The following ADAM10 variants were observed in gnomAD, a reference collection of about 807,000 sequenced individuals.
ADAM10 encodes ADAM metallopeptidase domain 10, also known as disintegrin and metalloproteinase domain-containing protein 10.
A neutral mutation model predicts 90.1 loss-of-function variants in ADAM10; 17 were observed. That is an observed-to-expected ratio of 0.19 (90% CI 0.13 to 0.28). ADAM10 has a LOEUF of 0.28. ADAM10 is among the 10% of genes least tolerant of loss of function. ADAM10 has a pLI of 1.00. For missense variants in ADAM10, 610 were observed against 914.3 expected (o/e 0.67, Z 4.29); for synonymous variants, 310 against 298.6 (o/e 1.04, Z -0.40).
At chr15:58,640,293 G>T (rs1896381680) in intron 8 of ADAM10, among the ~76,000 whole-genome samples, 1 of 152,034 alleles carries the variant, frequency 6.6e-6, no homozygotes. Context: ...ATAAAGGCTA[G>T]AAATAAAATA....
chr15:58,678,463 A>G (rs1267492682), intron 4 of ADAM10, among the ~76,000 whole-genome samples: 1 of 152,204 alleles, frequency 6.6e-6, no homozygotes, highest in African/African-American at 2.4e-5. Context: ...TGGGTATTCA[A>G]GAGCTATATA....
At chr15:58,735,495 A>G (rs886263458) in intron 1 of ADAM10, among the ~76,000 whole-genome samples, 2 of 152,186 alleles carry the variant, frequency 1.3e-5, no homozygotes, top group African/African-American at 4.8e-5. Flanking sequence ...CCCTGACAAA[A>G]TGACGCGGTA....
rs1293964141 is a variant in ADAM10 at position 58,590,914 on chromosome 15, T to G, written c.*6633A>C. The G allele has an allele frequency of 6.6e-6, 1 of 152,174 alleles. No individual in the cohort carries two copies. Among genetic ancestry groups the G allele is most frequent in the South Asian group, 2.1e-4 (1 of 4,834 alleles). The allele number at this position is 152,174 out of a possible 1,614,324, so 9.4% of individuals were successfully genotyped here. On this transcript the variant is annotated 3_prime_UTR_variant, in exon 16 of 16. Coordinates refer to ENST00000260408, the MANE Select transcript of ADAM10 (RefSeq NM_001110.4). ...TCAAATTATTCTCATTTTTTTACACTGAGAACAAACAACTACAGAATATCT... is the reference window on the plus strand; with the variant it reads ...TCAAATTATTCTCATTTTTTTACACGGAGAACAAACAACTACAGAATATCT...
chr15:58,640,906 T>C lies in ADAM10; in HGVS notation c.883A>G (p.Ile295Val), dbSNP rs1375000211. The C allele has an allele frequency of 1.2e-6, 2 of 1,613,986 alleles. No individual in the cohort carries two copies. Among genetic ancestry groups the C allele is most frequent in the Non-Finnish European group, 1.7e-6 (2 of 1,179,992 alleles). ...DPTNPFRFPNIGVEKFLELNS... is the reference protein window; with the variant it reads ...DPTNPFRFPNVGVEKFLELNS... ...AATTCCAGAAACTTCTCCACACCAA[T>C]ATTTGGGAAACGGAAAGGATTTGTA... Residue 295 changes from isoleucine to valine, a missense_variant, in exon 8 of 16, where the codon ATT (isoleucine) becomes GTT (valine). By Grantham distance (29) the Ile-to-Val change is conservative. Coordinates refer to ENST00000260408, the MANE Select transcript of ADAM10 (RefSeq NM_001110.4).
At chr15:58,644,367 T>A (rs1896495491) in intron 6 of ADAM10, among the ~76,000 whole-genome samples, 1 of 151,990 alleles carries the variant, frequency 6.6e-6, no homozygotes, top group African/African-American at 2.4e-5. Flanking sequence ...ACAACTGGGA[T>A]TACAGGCGCC....
chr15:58,621,515 T>C lies in ADAM10; in HGVS notation c.1467A>G (p.Gln489=), dbSNP rs752927104. 5 of 1,614,176 alleles carry C rather than the reference T, an allele frequency of 3.1e-6. No homozygotes were observed. The highest frequency in any genetic ancestry group is 3.3e-5 in the Admixed American group (2 of 60,028). The change falls in exon 11 of 16, where the codon CAA becomes CAG. Residue 489 remains glutamine, a synonymous_variant. Transcript: ENST00000260408. ...CKDECCFDAN[Q]PEGRKCKLKP... ...TCAGTTTGCATTTTCTTCCCTCTGG[T>C]TGATTTGCATCGAAGCAGCATTCAT...
intron 9 of ADAM10, among the ~76,000 whole-genome samples, chr15:58,629,974 A>AT (rs1451467163): frequency 6.6e-6 from 1 of 152,044 alleles, no homozygotes; most frequent in East Asian, 1.9e-4. Context: ...GGGTTTCGCC[A>AT]TGTTGCCCAG....
chr15:58,737,488 C>T (rs1899468562), intron 1 of ADAM10, among the ~76,000 whole-genome samples: 1 of 152,110 alleles, frequency 6.6e-6, no homozygotes, highest in African/African-American at 2.4e-5. Flanking sequence ...TCTGGCTTCC[C>T]TCAACTGATA....
Position 58,597,627 on chromosome 15 carries a change from T to G in ADAM10, c.2167A>C (p.Arg723=). 1 of 1,614,088 alleles carries G rather than the reference T, an allele frequency of 6.2e-7. No individual in the cohort carries two copies. Among genetic ancestry groups the G allele is most frequent in the Non-Finnish European group, 8.5e-7 (1 of 1,180,006 alleles). The change falls in exon 16 of 16, where the codon AGG becomes CGG. Residue 723 remains arginine (R), a synonymous_variant. Coordinates refer to ENST00000260408, the MANE Select transcript of ADAM10 (RefSeq NM_001110.4). ...TGCTGAATGGGCTGTGGAGGTCTCC[T>G]CCTCTTTAAAGTGCCTGTGAGCCAC... ...PKPLPGTLKR[R]RPPQPIQQPQ... is the part of the protein sequence containing the mutation.
At chr15:58,724,283 G>A (rs1195955510) in intron 1 of ADAM10, among the ~76,000 whole-genome samples, 1 of 152,082 alleles carries the variant, frequency 6.6e-6, no homozygotes, top group African/African-American at 2.4e-5. Flanking sequence ...AAATATTTAA[G>A]GGTAAAATGA....
chr15:58,740,092 C>A (rs1899556624), intron 1 of ADAM10, among the ~76,000 whole-genome samples: 1 of 152,098 alleles, frequency 6.6e-6, no homozygotes, highest in East Asian at 1.9e-4. Flanking sequence ...AGATCAGTAA[C>A]TTAACTATAA....
chr15:58,729,653 C>T (rs1899159016), intron 1 of ADAM10, among the ~76,000 whole-genome samples: 2 of 152,106 alleles, frequency 1.3e-5, no homozygotes, highest in South Asian at 4.1e-4. Context: ...ATTTTTTGAG[C>T]TCCAACATGA....
chr15:58,700,605 ATAAAT>A, intron 2 of ADAM10, among the ~76,000 whole-genome samples: 1 of 152,230 alleles, frequency 6.6e-6, no homozygotes, highest in Non-Finnish European at 1.5e-5. Flanking sequence ...ATTTACAGCA[ATAAAT>A]GCCTACCTCA....
At chr15:58,696,886 A>C (rs1191919388) in intron 2 of ADAM10, among the ~76,000 whole-genome samples, 1 of 152,180 alleles carries the variant, frequency 6.6e-6, no homozygotes, top group African/African-American at 2.4e-5. Context: ...GCTAGAGCAC[A>C]GCACGTTTTG....
At chr15:58,715,048 A>G (rs1309089338) in intron 2 of ADAM10, among the ~76,000 whole-genome samples, 8 of 152,306 alleles carry the variant, frequency 5.3e-5, no homozygotes, top group Admixed American at 3.3e-4. Flanking sequence ...TGGGAAAATA[A>G]ACTAAAATAT....
chr15:58,721,395 G>T (rs1212750148), intron 1 of ADAM10, among the ~76,000 whole-genome samples: 1 of 152,104 alleles, frequency 6.6e-6, no homozygotes, highest in Non-Finnish European at 1.5e-5. Context: ...TCTTAATTAT[G>T]CCTAAATATC....
intron 3 of ADAM10, among the ~76,000 whole-genome samples, chr15:58,679,951 A>C (rs1897384929): frequency 6.6e-6 from 1 of 152,172 alleles, no homozygotes; most frequent in Non-Finnish European, 1.5e-5. Context: ...ACTTAAAAGA[A>C]GCAAGCAAAC....
chr15:58,714,251 T>C (rs1479433454), intron 2 of ADAM10, among the ~76,000 whole-genome samples: 1 of 150,340 alleles, frequency 6.7e-6, no homozygotes, highest in African/African-American at 2.5e-5. Context: ...TGCTTAGACA[T>C]AAAAACCACA....
intron 10 of ADAM10, among the ~76,000 whole-genome samples, chr15:58,622,165 ATAT>A (rs1895806031): frequency 6.6e-6 from 1 of 152,166 alleles, no homozygotes. Flanking sequence ...CCCACCTAAC[ATAT>A]TATTGTCCCT....
Sources: gnomAD v4.1 joint callset for allele counts (sites outside exome capture counted in the v4.1 genomes callset) on GRCh38, gnomAD v4.1.1 for gene constraint, MANE v1.5 for transcripts, NCBI Gene and HGNC (gene_info 2026-07-23, HGNC 2026-07-21) for gene names.